The following SMARCB1 variants were observed in gnomAD, a reference collection of about 807,000 sequenced individuals.
The protein encoded by SMARCB1 is SWI/SNF related BAF chromatin remodeling complex subunit B1.
SMARCB1 carries 5 observed loss-of-function variants against 49.0 expected under a neutral mutation model. The ratio of observed to expected loss-of-function variants is 0.10; its 90% CI spans 0.05 to 0.21. The LOEUF (loss-of-function observed/expected upper bound fraction) is 0.21, where lower values mean the gene tolerates loss of function less well. Ranked by LOEUF, SMARCB1 falls within the 10% of genes least tolerant of loss-of-function variation. SMARCB1 has a pLI of 1.00. For synonymous variants in SMARCB1, 201 were observed against 200.1 expected, an observed-to-expected ratio of 1.00 and a Z score of -0.04; for missense variants, 226 against 509.2, an observed-to-expected ratio of 0.44 and a Z score of 5.35.
rs1300597769 is a variant in SMARCB1 at position 23,786,972 on chromosome 22, G to A, written c.-198G>A. ...CGCGCGCGTCAGCGTCAACGCCAGC[G>A]CCTGCGCACTGAGGGCGGCCTGGTC... On this transcript the variant is annotated 5_prime_UTR_variant, in exon 1 of 9. Transcript: ENST00000644036. 8.4e-6 allele frequency: 4 copies of A among 478,948 alleles called. No individual in the cohort carries two copies. Among genetic ancestry groups the A allele is most frequent in the Non-Finnish European group, 1.1e-5 (3 of 272,758 alleles). The allele number at this position is 478,948 out of a possible 1,614,324, so 29.7% of individuals were successfully genotyped here.
intron 7 of SMARCB1, among the ~76,000 whole-genome samples, chr22:23,828,557 G>A (rs978156564): frequency 6.2e-4 from 95 of 152,132 alleles, no homozygotes; most frequent in African/African-American, 2.2e-3. Flanking sequence ...GGGAGGCTGA[G>A]GCAGGAGAAT....
rs1060503018 is a variant in SMARCB1, at chr22:23,800,947, A to T, written c.366A>T (p.Glu122Asp). ...ISTEPPTYLR[E>D]QKAKRNSQWV... is the part of the protein sequence containing the mutation. ...GACTTTTCTTGTATCTCCTCAGGGAACAGAAGGCCAAGAGGAACAGCCAGT... is the reference window on the plus strand; with the variant it reads ...GACTTTTCTTGTATCTCCTCAGGGATCAGAAGGCCAAGAGGAACAGCCAGT... The change falls in exon 4 of 9, where the codon GAA becomes GAT. Residue 122 changes from glutamate to aspartate, a missense_variant. Physicochemically the swap from Glu to Asp is conservative, Grantham distance 45 (BLOSUM62 2). Coordinates refer to ENST00000644036, the MANE Select transcript of SMARCB1 (RefSeq NM_003073.5). 7 of 1,612,666 alleles carry T rather than the reference A, an allele frequency of 4.3e-6. No homozygotes were observed. Among genetic ancestry groups the T allele is most frequent in the Admixed American group, 1.7e-5 (1 of 59,996 alleles).
chr22:23,826,870 T>C (rs762420415), intron 7 of SMARCB1, among the ~76,000 whole-genome samples: 1 of 152,194 alleles, frequency 6.6e-6, no homozygotes, highest in Non-Finnish European at 1.5e-5. Flanking sequence ...GCTGAGATCC[T>C]GTGACCTGCC....
Position 23,834,372 on chromosome 22 carries a change from A to ACCCCCCCCCCCCT in SMARCB1, c.*196_*197insCCCCCCCCTCCCC. 1 of 388,640 alleles carries ACCCCCCCCCCCCT rather than the reference A, an allele frequency of 2.6e-6. No individual in the cohort carries two copies. The highest frequency in any genetic ancestry group is 2.5e-5 in the South Asian group (1 of 39,984). 24.1% of individuals were successfully genotyped at this position (388,640 alleles called of 1,614,324 possible). The stretch of plus-strand genomic sequence containing the variant: ...TTGTTGAGCCCCAGTCCTGCCCCCC[A>ACCCCCCCCCCCCT]CCCCACCCTCCCTACCCCTCCCCAG... On this transcript the variant is annotated 3_prime_UTR_variant, in exon 9 of 9. Transcript: ENST00000644036.
intron 7 of SMARCB1, among the ~76,000 whole-genome samples, chr22:23,831,210 T>A (rs2030639520): frequency 6.6e-6 from 1 of 152,198 alleles, no homozygotes; most frequent in Non-Finnish European, 1.5e-5. Flanking sequence ...ACAGGTCATT[T>A]TCCCTTGAAG....
chr22:23,836,910 C>G lies in SMARCB1; in HGVS notation c.*2730C>G, dbSNP rs1486258181. On this transcript the variant is annotated 3_prime_UTR_variant, in exon 9 of 9. Coordinates refer to ENST00000644036, the MANE Select transcript of SMARCB1 (RefSeq NM_003073.5). ...GGCAGATGGGGTCCTGGCTGTTCCT[C>G]AGGGAGGGGCAGGTAATTGGGGTCT... The G allele has an allele frequency of 6.6e-6, 10 of 1,521,684 alleles. 1 individual carries two copies. The highest frequency in any genetic ancestry group is 3.5e-4 in the Middle Eastern group (2 of 5,750). The allele number at this position is 1,521,684 out of a possible 1,614,324, so 94.3% of individuals were successfully genotyped here.
intron 7 of SMARCB1, among the ~76,000 whole-genome samples, chr22:23,826,722 T>G (rs1327664282): frequency 6.6e-6 from 1 of 152,224 alleles, no homozygotes; most frequent in Non-Finnish European, 1.5e-5. Flanking sequence ...GTGTCTAACT[T>G]GTTTTCCCAG....
chr22:23,825,553 C>A, intron 7 of SMARCB1, 138 bp downstream of exon 7: 1 of 721,018 alleles, frequency 1.4e-6, no homozygotes, highest in Non-Finnish European at 2.3e-6. Flanking sequence ...TGTGTGTTTG[C>A]TCCGTCCTCC....
intron 5 of SMARCB1, among the ~76,000 whole-genome samples, chr22:23,814,126 G>A (rs1040443208): frequency 9.2e-5 from 14 of 151,988 alleles, no homozygotes; most frequent in Admixed American, 2.6e-4. Context: ...CACCACACCC[G>A]GCCAGCAATT....
chr22:23,802,330 C>T (rs554993788), intron 4 of SMARCB1: 6 of 153,082 alleles, frequency 3.9e-5, no homozygotes, highest in African/African-American at 1.2e-4. Context: ...AGCTCCTGCC[C>T]TGCAGTTGCC....
chr22:23,824,767 G>A (rs138632661), intron 6 of SMARCB1: 77 of 216,596 alleles, frequency 3.6e-4, no homozygotes, highest in Middle Eastern at 1.9e-3. Context: ...CTGTGAACAC[G>A]CTAGGCAGGG....
intron 3 of SMARCB1, among the ~76,000 whole-genome samples, chr22:23,800,412 G>A (rs1413810850): frequency 6.6e-6 from 1 of 152,218 alleles, no homozygotes; most frequent in Non-Finnish European, 1.5e-5. Flanking sequence ...TAAAATGACA[G>A]CCTGATCATG....
At chr22:23,793,780 A>ATT in intron 3 of SMARCB1, 92 bp downstream of exon 3, 3 of 923,400 alleles carry the variant, frequency 3.2e-6, no homozygotes, top group Admixed American at 6.6e-5. Flanking sequence ...AAATTGAAAC[A>ATT]CTTTTTTTTT....
chr22:23,820,065 G>A (rs2030001381), intron 6 of SMARCB1, among the ~76,000 whole-genome samples: 1 of 151,942 alleles, frequency 6.6e-6, no homozygotes, highest in Admixed American at 6.6e-5. Context: ...CCCGACCACA[G>A]GTGATCCACC....
rs370458932 is a variant in SMARCB1, at chr22:23,789,704, G to A, written c.94-2052G>A. Among the ~76,000 whole-genome samples, 6 of 152,186 alleles carry A rather than the reference G, an allele frequency of 3.9e-5. No individual in the cohort carries two copies. In the East Asian group the frequency reaches 1.2e-3, roughly 29 times the overall value. ...CCAGGCTGTAAGAGACTCAGTTGGA[G>A]AGGCAGTTTGTTCTTTTGGGCCTGA... On this transcript the variant is annotated intron_variant, in intron 1 of 8. Coordinates refer to ENST00000644036, the MANE Select transcript of SMARCB1 (RefSeq NM_003073.5).
Position 23,787,138 on chromosome 22 carries a change from C to G in SMARCB1, c.-32C>G, listed in dbSNP as rs775969225. 11 of 1,464,554 alleles carry G rather than the reference C, an allele frequency of 7.5e-6. No homozygotes were observed. In the Admixed American group the frequency reaches 1.2e-4, roughly 16 times the overall value. 90.7% of individuals were successfully genotyped at this position (1,464,554 alleles called of 1,614,324 possible). A position where few individuals can be genotyped will look rare whatever the true frequency, so the allele number is the denominator to read the frequency against. ...CCCCAGCCCTCCTGATCCCTCGCAG[C>G]CCGGCTCCGGCCGCCCGCCTCTGCC... On this transcript the variant is annotated 5_prime_UTR_variant, in exon 1 of 9. Transcript: ENST00000644036.
At chr22:23,822,377 G>A (rs2030140176) in intron 6 of SMARCB1, among the ~76,000 whole-genome samples, 1 of 152,172 alleles carries the variant, frequency 6.6e-6, no homozygotes, top group Non-Finnish European at 1.5e-5. Context: ...CAGGGGCCTG[G>A]CCCTGCTGTG....
chr22:23,816,885 C>T lies in SMARCB1; in HGVS notation c.744C>T (p.Tyr248=), dbSNP rs994927607. The T allele has an allele frequency of 2.5e-6, 4 of 1,614,092 alleles. No homozygotes were observed. Among genetic ancestry groups the T allele is most frequent in the African/African-American group, 2.7e-5 (2 of 75,066 alleles). The change falls in exon 6 of 9, where the codon TAC becomes TAT. Residue 248 remains tyrosine (Y), a synonymous_variant. Coordinates refer to ENST00000644036, the MANE Select transcript of SMARCB1 (RefSeq NM_003073.5). ...CCATCAGACAGCAGATCGAGTCCTACCCCACGGACAGCATCCTGGAGGACC... is the reference window on the plus strand; with the variant it reads ...CCATCAGACAGCAGATCGAGTCCTATCCCACGGACAGCATCCTGGAGGACC... ...ASAIRQQIES[Y]PTDSILEDQS...
rs6003886 is a variant in SMARCB1 at position 23,793,820 on chromosome 22, C to T, written c.362+132C>T. On this transcript the variant is annotated intron_variant, in intron 3 of 8. Coordinates refer to ENST00000644036, the MANE Select transcript of SMARCB1 (RefSeq NM_003073.5). Reference sequence around the variant, plus strand: ...TTTTGAGATGGAATCTTGTTCTTGTCGCCCAGGCTGGAGTGCAGTGGCACG... The same window carrying T: ...TTTTGAGATGGAATCTTGTTCTTGTTGCCCAGGCTGGAGTGCAGTGGCACG... 27,625 of 946,582 alleles carry T rather than the reference C, an allele frequency of 0.029. 3,304 individuals are homozygous for T. In the African/African-American group the frequency reaches 0.34, roughly 12 times the overall value. 58.6% of individuals were successfully genotyped at this position (946,582 alleles called of 1,614,324 possible). A position where few individuals can be genotyped will look rare whatever the true frequency, so the allele number is the denominator to read the frequency against.
Sources: gnomAD v4.1 joint callset for allele counts (sites outside exome capture counted in the v4.1 genomes callset) on GRCh38, gnomAD v4.1.1 for gene constraint, MANE v1.5 for transcripts, NCBI Gene and HGNC (gene_info 2026-07-23, HGNC 2026-07-21) for gene names.